The following EYS variants were observed in gnomAD, a reference collection of about 807,000 sequenced individuals.
EYS encodes the protein EGF-like photoreceptor maintenance factor.
Under a neutral mutation model 282.1 loss-of-function variants are expected in EYS, and 250 were observed. That is an observed-to-expected ratio of 0.89 (90% CI 0.80 to 0.98). The LOEUF is 0.98. EYS is among the 50% of genes least tolerant of loss of function. EYS has a pLI of 0.00. For synonymous variants in EYS, 1,355 were observed against 1,282.9 expected, an observed-to-expected ratio of 1.06 and a Z score of -1.20; for missense variants, 4,016 against 3,709.0, an observed-to-expected ratio of 1.08 and a Z score of -2.15.
chr6:64,662,506 G>A (rs190857046), intron 22 of EYS, among the ~76,000 whole-genome samples: 35 of 152,120 alleles, frequency 2.3e-4, no homozygotes, highest in African/African-American at 8.2e-4. Context: ...TTATTGTCCC[G>A]TGGGACAGCA....
chr6:64,087,295 T>C (rs1772188131), intron 31 of EYS, among the ~76,000 whole-genome samples: 1 of 152,090 alleles, frequency 6.6e-6, no homozygotes, highest in African/African-American at 2.4e-5. Context: ...GGGAATACAG[T>C]GTTGAGCAAA....
intron 12 of EYS, among the ~76,000 whole-genome samples, chr6:65,105,705 G>A (rs536353127): frequency 4.0e-4 from 61 of 151,842 alleles, no homozygotes; most frequent in Non-Finnish European, 7.7e-4. Context: ...TCCCTATTCC[G>A]TGAATGATGT....
intron 13 of EYS, among the ~76,000 whole-genome samples, chr6:65,028,796 A>G (rs746309300): frequency 1.3e-5 from 2 of 152,088 alleles, no homozygotes; most frequent in African/African-American, 4.8e-5. Flanking sequence ...AACTATAAAC[A>G]TGTATTTTTG....
At chr6:65,669,668 A>G (rs1434492279) in intron 1 of EYS, among the ~76,000 whole-genome samples, 1 of 151,956 alleles carries the variant, frequency 6.6e-6, no homozygotes, top group Admixed American at 6.6e-5. Flanking sequence ...CATGGTCATC[A>G]CCATTAAATG....
intron 8 of EYS, among the ~76,000 whole-genome samples, chr6:65,383,783 A>T (rs997143445): frequency 6.6e-6 from 1 of 151,538 alleles, no homozygotes; most frequent in Non-Finnish European, 1.5e-5. Flanking sequence ...ATTCATTTTA[A>T]CTAGTTTTTA....
At chr6:64,840,972 TAGAC>T (rs988660463) in intron 19 of EYS, among the ~76,000 whole-genome samples, 1 of 152,146 alleles carries the variant, frequency 6.6e-6, no homozygotes, top group African/African-American at 2.4e-5. Flanking sequence ...AAAGTTGTAT[TAGAC>T]AGCATTGATT....
intron 12 of EYS, among the ~76,000 whole-genome samples, chr6:65,100,251 A>G (rs1251067536): frequency 6.6e-6 from 1 of 150,860 alleles, no homozygotes; most frequent in African/African-American, 2.4e-5. Context: ...AACATCATAG[A>G]TCACTTCAAG....
rs1219847461 is a variant in EYS, at chr6:64,396,164, GTTTA to G, written c.5928-7328_5928-7325del. Among the ~76,000 whole-genome samples the G allele has an allele frequency of 7.9e-5, 12 of 152,028 alleles. No individual in the cohort carries two copies. The East Asian group carries it at 1.7e-3, about 22-fold the overall frequency. ...GAGATATATATTTTTGAATTGAATA[GTTTA>G]TTTATTTTCAAGATATATAGTCAGA... On this transcript the variant is annotated intron_variant, in intron 28 of 42. Transcript: ENST00000503581.
chr6:64,196,576 G>A (rs1423438955), intron 31 of EYS, among the ~76,000 whole-genome samples: 1 of 152,062 alleles, frequency 6.6e-6, no homozygotes, highest in East Asian at 1.9e-4. Context: ...GAAAAATGAT[G>A]AGTTCATGTC....
Position 64,782,661 on chromosome 6 carries a change from ATCTC to A in EYS, c.3443+30713_3443+30716del, listed in dbSNP as rs372928804. On this transcript the variant is annotated intron_variant, in intron 22 of 42. Transcript: ENST00000503581. Reference sequence around the variant, plus strand: ...TCTTCATTTCAAGTTTATTGGGTCTATCTCCTAGTTTATTTGTATGTTTTAACCA... The same window carrying A: ...TCTTCATTTCAAGTTTATTGGGTCTACTAGTTTATTTGTATGTTTTAACCA... 1.8e-3 allele frequency among the ~76,000 whole-genome samples: 276 copies of A among 152,310 alleles called. 1 individual carries two copies. Among genetic ancestry groups the A allele is most frequent in the African/African-American group, 6.5e-3 (271 of 41,578 alleles).
chr6:64,916,175 T>C (rs1768156659), intron 15 of EYS, among the ~76,000 whole-genome samples: 1 of 152,218 alleles, frequency 6.6e-6, no homozygotes, highest in Non-Finnish European at 1.5e-5. Flanking sequence ...CTGAGGGTAT[T>C]GCACAAGTAT....
chr6:64,272,163 C>CG (rs1767963752), intron 30 of EYS, among the ~76,000 whole-genome samples: 1 of 152,120 alleles, frequency 6.6e-6, no homozygotes, highest in South Asian at 2.1e-4. Context: ...TTTGAGCCTA[C>CG]GTGTGTCTTT....
At chr6:65,619,867 C>T (rs201418863) in intron 2 of EYS, among the ~76,000 whole-genome samples, 40,197 of 138,258 alleles carry the variant, frequency 0.29, 5,026 homozygotes, top group Non-Finnish European at 0.41. Flanking sequence ...TATTGATTTG[C>T]GTATGTTGAA....
At chr6:63,938,899 G>A (rs1215492863) in intron 35 of EYS, among the ~76,000 whole-genome samples, 1 of 152,148 alleles carries the variant, frequency 6.6e-6, no homozygotes, top group Non-Finnish European at 1.5e-5. Context: ...TGGGTCAGGA[G>A]CACAAAAGTG....
intron 12 of EYS, among the ~76,000 whole-genome samples, chr6:65,170,052 A>C (rs1765067560): frequency 6.6e-6 from 1 of 151,586 alleles, no homozygotes; most frequent in Non-Finnish European, 1.5e-5. Context: ...TTTTGTGATA[A>C]GGTAATGATG....
chr6:63,772,968 CAT>C lies in EYS; in HGVS notation c.7898+5036_7898+5037del, dbSNP rs575397736. On this transcript the variant is annotated intron_variant, in intron 40 of 42. Coordinates refer to ENST00000503581, the MANE Select transcript of EYS (RefSeq NM_001142800.2). ...CTATATCTATTATCCCCTTTTCTTA[CAT>C]GTTTCTTTACCCTGATTTTTTTCAC... is the stretch of plus-strand genomic sequence containing the variant. 4.6e-5 allele frequency among the ~76,000 whole-genome samples: 7 copies of C among 152,050 alleles called. No homozygotes were observed. The East Asian group carries it at 1.3e-3, about 29-fold the overall frequency.
chr6:65,011,709 C>T (rs1023275979), intron 13 of EYS, among the ~76,000 whole-genome samples: 6 of 152,128 alleles, frequency 3.9e-5, no homozygotes, highest in African/African-American at 4.8e-5. Flanking sequence ...GGAAGGTGAC[C>T]GCTTCCACCT....
intron 22 of EYS, among the ~76,000 whole-genome samples, chr6:64,755,643 CAG>C (rs1488458983): frequency 1.3e-5 from 2 of 151,772 alleles, no homozygotes; most frequent in Admixed American, 1.3e-4. Flanking sequence ...AATTCATAAA[CAG>C]AATGTCAAAT....
At chr6:64,375,511 C>T (rs1333399728) in intron 29 of EYS, among the ~76,000 whole-genome samples, 1 of 152,170 alleles carries the variant, frequency 6.6e-6, no homozygotes, top group Admixed American at 6.5e-5. Flanking sequence ...AGAGTTTAAC[C>T]TAGGCTTGCT....
Sources: gnomAD v4.1 joint callset for allele counts (sites outside exome capture counted in the v4.1 genomes callset) on GRCh38, gnomAD v4.1.1 for gene constraint, MANE v1.5 for transcripts, NCBI Gene and HGNC (gene_info 2026-07-23, HGNC 2026-07-21) for gene names.